WDPCP: variants seen among roughly 807,000 people sequenced by gnomAD.
WDPCP encodes the protein WD repeat-containing and planar cell polarity effector protein fritz homolog.
A neutral mutation model predicts 93.1 loss-of-function variants in WDPCP; 71 were observed. The ratio of observed to expected loss-of-function variants is 0.76; its 90% CI spans 0.63 to 0.93. The LOEUF (loss-of-function observed/expected upper bound fraction) is 0.93, where lower values mean the gene tolerates loss of function less well. WDPCP is among the 40% of genes least tolerant of loss of function. The pLI, the probability that WDPCP is intolerant of heterozygous loss-of-function variation, is 0.00. For synonymous variants in WDPCP, 315 were observed against 315.0 expected (o/e 1.00, Z 0.00); for missense variants, 844 against 887.4 (o/e 0.95, Z 0.62).
At chr2:63,472,637 G>A (rs567907873) in intron 6 of WDPCP, among the ~76,000 whole-genome samples, 1 of 152,112 alleles carries the variant, frequency 6.6e-6, no homozygotes, top group Admixed American at 6.5e-5. Flanking sequence ...CTCCCAGGCT[G>A]GAGTACAGTA....
intron 3 of WDPCP, among the ~76,000 whole-genome samples, chr2:63,595,979 C>T (rs577176290): frequency 1.3e-5 from 2 of 152,262 alleles, no homozygotes; most frequent in South Asian, 4.2e-4. Flanking sequence ...TCCTCTTACA[C>T]GGTCCCCATC....
At chr2:63,722,397 G>A (rs1167389421) in intron 2 of WDPCP, among the ~76,000 whole-genome samples, 1 of 151,068 alleles carries the variant, frequency 6.6e-6, no homozygotes, top group Non-Finnish European at 1.5e-5. Context: ...TCTGGGATGT[G>A]AGGAGCACCT....
intron 3 of WDPCP, chr2:63,595,531 A>G (rs200059131): frequency 1.3e-5 from 20 of 1,515,150 alleles, no homozygotes; most frequent in Admixed American, 6.7e-5. Flanking sequence ...TGGGTTGGGG[A>G]GTAGAGAAGG....
At chr2:63,303,183 A>G (rs1472128217) in intron 13 of WDPCP, among the ~76,000 whole-genome samples, 2 of 152,150 alleles carry the variant, frequency 1.3e-5, no homozygotes, top group Non-Finnish European at 2.9e-5. Flanking sequence ...CAAGGCCTGC[A>G]TTTATTTCAC....
At chr2:63,753,798 G>C (rs555708955) in intron 2 of WDPCP, among the ~76,000 whole-genome samples, 322 of 152,256 alleles carry the variant, frequency 2.1e-3, no homozygotes, top group African/African-American at 7.2e-3. Context: ...ATGAGATTTG[G>C]GTAGGGACAC....
At chr2:63,463,289 C>CTGTGTAATA (rs1168409542) in intron 6 of WDPCP, among the ~76,000 whole-genome samples, 1 of 151,794 alleles carries the variant, frequency 6.6e-6, no homozygotes, top group African/African-American at 2.4e-5. Context: ...GAAGATTTGG[C>CTGTGTAATA]TGTGTAATAA....
chr2:63,222,155 A>C lies in WDPCP; in HGVS notation c.1915+37152T>G, dbSNP rs75804953. The stretch of plus-strand genomic sequence containing the variant: ...AGAGAGAAAGCAGTTTCATCTCTCT[A>C]TATATATGTTTACTCCTAATATTAC... On this transcript the variant is annotated intron_variant, in intron 14 of 17. Coordinates refer to ENST00000272321, the MANE Select transcript of WDPCP (RefSeq NM_015910.7). Among the ~76,000 whole-genome samples the C allele has an allele frequency of 7.6e-3, 1,154 of 152,310 alleles. 11 individuals carry two copies. Among genetic ancestry groups the C allele is most frequent in the African/African-American group, 0.016 (670 of 41,576 alleles).
intron 4 of WDPCP, among the ~76,000 whole-genome samples, chr2:63,485,628 A>C (rs1700529314): frequency 6.6e-6 from 1 of 151,862 alleles, no homozygotes; most frequent in Non-Finnish European, 1.5e-5. Context: ...AAATAAATTA[A>C]GTGAAGGATA....
intron 3 of WDPCP, among the ~76,000 whole-genome samples, chr2:63,602,471 G>C (rs1334070746): frequency 6.7e-6 from 1 of 149,986 alleles, no homozygotes; most frequent in Non-Finnish European, 1.5e-5. Context: ...CATAACTACA[G>C]AGTATTATCA....
At chr2:63,705,294 T>G (rs1252617486) in intron 2 of WDPCP, among the ~76,000 whole-genome samples, 1 of 152,200 alleles carries the variant, frequency 6.6e-6, no homozygotes, top group Non-Finnish European at 1.5e-5. Context: ...GTGTCTCTGT[T>G]TCCTTCAGTT....
chr2:63,335,157 T>G (rs751298501), intron 12 of WDPCP, among the ~76,000 whole-genome samples: 18 of 152,300 alleles, frequency 1.2e-4, no homozygotes, highest in Admixed American at 3.3e-4. Context: ...CTCAAAAGAA[T>G]GCAACCCCTT....
intron 14 of WDPCP, among the ~76,000 whole-genome samples, chr2:63,242,352 G>A (rs1679921781): frequency 6.6e-6 from 1 of 152,176 alleles, no homozygotes; most frequent in African/African-American, 2.4e-5. Flanking sequence ...ATTAAGTACA[G>A]CTGGGATGTC....
At chr2:63,551,000 A>G (rs1480662496) in intron 1 of WDPCP, among the ~76,000 whole-genome samples, 3 of 152,188 alleles carry the variant, frequency 2.0e-5, no homozygotes, top group Non-Finnish European at 4.4e-5. Flanking sequence ...AAACCTACGT[A>G]TAAGTCTTTT....
intron 3 of WDPCP, among the ~76,000 whole-genome samples, chr2:63,632,278 A>C (rs1195045049): frequency 1.3e-5 from 2 of 152,242 alleles, no homozygotes; most frequent in African/African-American, 4.8e-5. Flanking sequence ...CAACAACAAA[A>C]ATAGTGGAAA....
chr2:63,434,499 C>G (rs140596746), intron 8 of WDPCP, among the ~76,000 whole-genome samples: 32 of 152,128 alleles, frequency 2.1e-4, no homozygotes, highest in African/African-American at 6.5e-4. Flanking sequence ...CTTTCTTAGG[C>G]AGGATTTGTA....
In WDPCP at chr2:63,485,989, C is replaced by T. The variant is rs1165890794; in HGVS notation, c.253+553G>A. On this transcript the variant is annotated intron_variant, in intron 4 of 17. Coordinates refer to ENST00000272321, the MANE Select transcript of WDPCP (RefSeq NM_015910.7). ...TACATTATTTTTTAAAATTAAATGT[C>T]AGTTCAACCATTTAAAAAACAAGAG... Among the ~76,000 whole-genome samples, 4 of 151,628 alleles carry T rather than the reference C, an allele frequency of 2.6e-5. No homozygotes were observed. The South Asian group carries it at 8.3e-4, about 32-fold the overall frequency.
intron 3 of WDPCP, chr2:63,597,410 A>G (rs755709132): frequency 2.1e-6 from 3 of 1,435,042 alleles, no homozygotes; most frequent in South Asian, 1.6e-5. Flanking sequence ...TGTCATCGCA[A>G]CAGATAAAGA....
intron 1 of WDPCP, among the ~76,000 whole-genome samples, chr2:63,816,564 C>G (rs1253206419): frequency 6.6e-6 from 1 of 152,076 alleles, no homozygotes; most frequent in Non-Finnish European, 1.5e-5. Context: ...TCTGGAGCCA[C>G]CAGAAGCTGG....
intron 2 of WDPCP, among the ~76,000 whole-genome samples, chr2:63,730,125 G>A (rs1669539614): frequency 6.6e-6 from 1 of 152,100 alleles, no homozygotes; most frequent in Non-Finnish European, 1.5e-5. Flanking sequence ...AGGCATGTGT[G>A]TAATTCCAAG....
Sources: gnomAD v4.1 joint callset for allele counts (sites outside exome capture counted in the v4.1 genomes callset) on GRCh38, gnomAD v4.1.1 for gene constraint, MANE v1.5 for transcripts, NCBI Gene and HGNC (gene_info 2026-07-23, HGNC 2026-07-21) for gene names.